INSYN2A: variants seen among roughly 807,000 people sequenced by gnomAD.
INSYN2A encodes the protein family with sequence similarity 196 member A.
Under a neutral mutation model 39.4 loss-of-function variants are expected in INSYN2A, and 17 were observed. The ratio of observed to expected loss-of-function variants is 0.43; its 90% CI spans 0.30 to 0.65. INSYN2A has a LOEUF of 0.65. Ranked by LOEUF, INSYN2A falls within the 30% of genes least tolerant of loss-of-function variation. INSYN2A has a pLI of 0.14. For synonymous variants in INSYN2A, 255 were observed against 265.7 expected (o/e 0.96, Z 0.39); for missense variants, 595 against 631.2 (o/e 0.94, Z 0.61).
intron 2 of INSYN2A, among the ~76,000 whole-genome samples, chr10:127,186,023 A>T (rs569023451): frequency 1.3e-5 from 2 of 152,332 alleles, no homozygotes; most frequent in East Asian, 3.9e-4. Flanking sequence ...TAATTAAAAA[A>T]TCTCAATAGC....
intron 2 of INSYN2A, among the ~76,000 whole-genome samples, chr10:127,181,566 AT>A: frequency 6.6e-6 from 1 of 152,340 alleles, no homozygotes. Flanking sequence ...ATTGTATGAA[AT>A]TATGGGTTTT....
intron 5 of INSYN2A, among the ~76,000 whole-genome samples, chr10:127,147,490 T>C (rs2051998974): frequency 6.6e-6 from 1 of 152,120 alleles, no homozygotes; most frequent in African/African-American, 2.4e-5. Flanking sequence ...CTTGCACCTG[T>C]GGCTCTCACC....
rs770239906 is a variant in INSYN2A, at chr10:127,172,634, T to C, written c.1184+2578A>G. On this transcript the variant is annotated intron_variant, in intron 4 of 5. Coordinates refer to ENST00000522781, the MANE Select transcript of INSYN2A (RefSeq NM_001039762.3). Reference sequence around the variant, plus strand: ...CATAAGGTGGCACTTGATTCTTTGCTATCTGAGTCCAGAGGGCTCTGAGAG... The same window carrying C: ...CATAAGGTGGCACTTGATTCTTTGCCATCTGAGTCCAGAGGGCTCTGAGAG... Among the ~76,000 whole-genome samples, 39 of 152,210 alleles carry C rather than the reference T, an allele frequency of 2.6e-4. 1 individual carries two copies. The highest frequency in any genetic ancestry group is 5.9e-5 in the Non-Finnish European group (4 of 68,032).
intron 2 of INSYN2A, among the ~76,000 whole-genome samples, chr10:127,180,287 A>T (rs967954510): frequency 1.3e-5 from 2 of 152,194 alleles, no homozygotes; most frequent in Non-Finnish European, 2.9e-5. Flanking sequence ...TGGACTGAGC[A>T]TGAAGCTGCA....
chr10:127,142,709 C>T (rs1346123673), intron 5 of INSYN2A, among the ~76,000 whole-genome samples: 1 of 152,168 alleles, frequency 6.6e-6, no homozygotes, highest in Non-Finnish European at 1.5e-5. Context: ...GCTGCCTGCA[C>T]CTCCATTCTC....
rs190115323 is a variant in INSYN2A, at chr10:127,138,243, A to G, written c.1257-223T>C. Among the ~76,000 whole-genome samples, 370 of 152,318 alleles carry G rather than the reference A, an allele frequency of 2.4e-3. 3 individuals are homozygous for G. Among genetic ancestry groups the G allele is most frequent in the African/African-American group, 8.6e-3 (357 of 41,570 alleles). On this transcript the variant is annotated intron_variant, in intron 5 of 5. Coordinates refer to ENST00000522781, the MANE Select transcript of INSYN2A (RefSeq NM_001039762.3). ...ATAACTTACTTGCTTCTGTAGGTGA[A>G]TCTTTAATATTGTGTTAATGTGCAC...
At chr10:127,172,906 T>C (rs895391429) in intron 4 of INSYN2A, among the ~76,000 whole-genome samples, 2 of 152,232 alleles carry the variant, frequency 1.3e-5, no homozygotes, top group Non-Finnish European at 2.9e-5. Flanking sequence ...TGTATGTGGC[T>C]ATCGAGCATT....
intron 4 of INSYN2A, among the ~76,000 whole-genome samples, chr10:127,156,198 GT>G (rs754747039): frequency 4.1e-4 from 62 of 152,262 alleles, no homozygotes; most frequent in Admixed American, 7.2e-4. Flanking sequence ...CAGTGTCCAA[GT>G]TTCCCAGTGC....
intron 2 of INSYN2A, among the ~76,000 whole-genome samples, chr10:127,180,450 G>T (rs1047378872): frequency 3.3e-5 from 5 of 152,194 alleles, no homozygotes; most frequent in Non-Finnish European, 4.4e-5. Flanking sequence ...ATTGGACTGT[G>T]CTGTCTTGAG....
chr10:127,184,404 C>T (rs1186742728), intron 2 of INSYN2A, among the ~76,000 whole-genome samples: 1 of 149,772 alleles, frequency 6.7e-6, no homozygotes, highest in Admixed American at 6.8e-5. Flanking sequence ...TGATTTCTTC[C>T]CTTTAGTTCC....
rs1006594005 is a variant in INSYN2A, at chr10:127,136,373, A to G, written c.*1464T>C. 4 of 151,756 alleles carry G rather than the reference A, an allele frequency of 2.6e-5. No individual in the cohort carries two copies. Among genetic ancestry groups the G allele is most frequent in the South Asian group, 2.1e-4 (1 of 4,790 alleles). 9.4% of individuals were successfully genotyped at this position (151,756 alleles called of 1,614,324 possible). A position where few individuals can be genotyped will look rare whatever the true frequency, so the allele number is the denominator to read the frequency against. On this transcript the variant is annotated 3_prime_UTR_variant, in exon 6 of 6. Transcript: ENST00000522781. The stretch of plus-strand genomic sequence containing the variant: ...CCACTGTGTGTTTGGCATCTAGTCA[A>G]TGAGGTGTGCATGTCAGCACTCCAC...
At chr10:127,150,335 A>G (rs966450171) in intron 5 of INSYN2A, among the ~76,000 whole-genome samples, 1 of 150,762 alleles carries the variant, frequency 6.6e-6, no homozygotes, top group Non-Finnish European at 1.5e-5. Flanking sequence ...CCCATTGCTC[A>G]CCCTCCCCTT....
At chr10:127,150,426 C>G (rs1267189813) in intron 5 of INSYN2A, among the ~76,000 whole-genome samples, 1 of 152,174 alleles carries the variant, frequency 6.6e-6, no homozygotes, top group Non-Finnish European at 1.5e-5. Context: ...TCACACAGAC[C>G]AGTGCTTGGT....
chr10:127,169,862 C>T (rs996226407), intron 4 of INSYN2A, among the ~76,000 whole-genome samples: 17 of 152,096 alleles, frequency 1.1e-4, no homozygotes, highest in African/African-American at 3.6e-4. Flanking sequence ...TAAAGTTGAG[C>T]AAACCTTGGT....
In INSYN2A at chr10:127,175,891, T is replaced by C. The variant is rs529533671; in HGVS notation, c.505A>G (p.Lys169Glu). The C allele has an allele frequency of 1.2e-6, 2 of 1,614,200 alleles. No individual in the cohort carries two copies. The highest frequency in any genetic ancestry group is 4.5e-5 in the East Asian group (2 of 44,876). Residue 169 changes from lysine (K) to glutamate (E), a missense_variant, in exon 4 of 6, where the codon AAG (lysine) becomes GAG (glutamate). By Grantham distance (56) the Lys-to-Glu change is moderately conservative. This residue lies in a region of INSYN2A where 478 missense variants were observed against 467.4 expected (regional missense o/e 1.02). Coordinates refer to ENST00000522781, the MANE Select transcript of INSYN2A (RefSeq NM_001039762.3). This position sits in a 1 kb window ranked among gnomAD's most constrained non-coding sequence, Gnocchi z 6.3. Reference protein sequence around the residue: ...ARPCGAGRVHKTTALVFHSNQ... With the variant: ...ARPCGAGRVHETTALVFHSNQ... ...GAATGGAAAACCAAGGCTGTGGTCT[T>C]GTGCACCCGCCCCGCGCCACATGGC...
intron 5 of INSYN2A, among the ~76,000 whole-genome samples, chr10:127,151,372 G>C (rs2052471090): frequency 6.6e-6 from 1 of 152,146 alleles, no homozygotes; most frequent in African/African-American, 2.4e-5. Context: ...TTACTCTGCA[G>C]ACTGTCCTGG....
chr10:127,147,029 A>G (rs2051933197), intron 5 of INSYN2A, among the ~76,000 whole-genome samples: 1 of 152,194 alleles, frequency 6.6e-6, no homozygotes, highest in Non-Finnish European at 1.5e-5. Context: ...TTGTGGTCTT[A>G]TTGGTGTTGT....
chr10:127,139,748 AG>A lies in INSYN2A; in HGVS notation c.1257-1729del, dbSNP rs569340853. ...CTTAAACTTCAATTCTTTCACTTCA[AG>A]GGGGAGAAAATAGTTCCTTCCCAGG... is the stretch of plus-strand genomic sequence containing the variant. On this transcript the variant is annotated intron_variant, in intron 5 of 5. Transcript: ENST00000522781. Among the ~76,000 whole-genome samples, 66 of 152,284 alleles carry A rather than the reference AG, an allele frequency of 4.3e-4. 1 individual carries two copies. The South Asian group carries it at 9.3e-3, about 22-fold the overall frequency.
chr10:127,160,340 A>C (rs546418621), intron 4 of INSYN2A, among the ~76,000 whole-genome samples: 1 of 152,270 alleles, frequency 6.6e-6, no homozygotes, highest in African/African-American at 2.4e-5. Context: ...TTCCTTCATA[A>C]GATCTTAAAT....
Sources: allele counts gnomAD v4.1 joint callset (sites outside exome capture counted in the v4.1 genomes callset), GRCh38; gene constraint gnomAD v4.1.1; regional missense constraint gnomAD v4.1.1; non-coding constraint Gnocchi (gnomAD v3.1); transcripts MANE v1.5; gene names NCBI Gene and HGNC (gene_info 2026-07-23, HGNC 2026-07-21).